SEC14L1: variants seen among roughly 807,000 people sequenced by gnomAD.
The protein encoded by SEC14L1 is SEC14 like lipid binding 1.
Under a neutral mutation model 85.3 loss-of-function variants are expected in SEC14L1, and 48 were observed. The ratio of observed to expected loss-of-function variants is 0.56; its 90% CI spans 0.45 to 0.72. The LOEUF is 0.72. Among genes scored for constraint, SEC14L1 ranks in the 30% least tolerant of loss-of-function variants. SEC14L1 has a pLI of 0.00. For synonymous variants in SEC14L1, 391 were observed against 355.5 expected, an observed-to-expected ratio of 1.10 and a Z score of -1.12; for missense variants, 682 against 921.4, an observed-to-expected ratio of 0.74 and a Z score of 3.36.
At chr17:77,090,321 CA>C (rs1406979451) in intron 2 of SEC14L1, among the ~76,000 whole-genome samples, 1 of 150,710 alleles carries the variant, frequency 6.6e-6, no homozygotes, top group African/African-American at 2.4e-5. Flanking sequence ...TAATTCAAGC[CA>C]AAGTGAGTGC....
chr17:77,201,918 C>G (rs1215265442), intron 9 of SEC14L1, among the ~76,000 whole-genome samples: 1 of 152,216 alleles, frequency 6.6e-6, no homozygotes, highest in Non-Finnish European at 1.5e-5. Flanking sequence ...ATGTTACCCT[C>G]TAACCCTCTG....
At chr17:77,165,971 C>A (rs928161586) in intron 3 of SEC14L1, among the ~76,000 whole-genome samples, 1 of 152,214 alleles carries the variant, frequency 6.6e-6, no homozygotes, top group African/African-American at 2.4e-5. Context: ...GAAGGTCCCC[C>A]TCCTCATCTT....
Position 77,215,033 on chromosome 17 carries a change from T to G in SEC14L1, c.*1010T>G, listed in dbSNP as rs942616934. ...GCGTGTGGCATGTAGGAGTCCTGCT[T>G]CTTTGTACATGGGAATTGTGGACTC... On this transcript the variant is annotated 3_prime_UTR_variant, in exon 17 of 17. Coordinates refer to ENST00000436233, the MANE Select transcript of SEC14L1 (RefSeq NM_001143998.2). 8 of 985,296 alleles carry G rather than the reference T, an allele frequency of 8.1e-6. No homozygotes were observed. The highest frequency in any genetic ancestry group is 1.8e-5 in the African/African-American group (1 of 57,132). The allele number at this position is 985,296 out of a possible 1,614,324, so 61.0% of individuals were successfully genotyped here.
intron 3 of SEC14L1, among the ~76,000 whole-genome samples, chr17:77,126,869 C>A (rs1220587579): frequency 2.6e-5 from 4 of 152,168 alleles, no homozygotes; most frequent in Non-Finnish European, 5.9e-5. Context: ...GGTGCAGGCA[C>A]CTTTTTCACT....
Position 77,206,232 on chromosome 17 carries a change from A to T in SEC14L1, c.1173A>T (p.Ser391=), listed in dbSNP as rs182613536. The T allele has an allele frequency of 6.2e-7, 1 of 1,613,888 alleles. No individual in the cohort carries two copies. Among genetic ancestry groups the T allele is most frequent in the Non-Finnish European group, 8.5e-7 (1 of 1,179,780 alleles). The change falls in exon 12 of 17, where the codon TCA becomes TCT. Residue 391 remains serine (S), a synonymous_variant. Coordinates refer to ENST00000436233, the MANE Select transcript of SEC14L1 (RefSeq NM_001143998.2). This position sits in a 1 kb window ranked among gnomAD's most constrained non-coding sequence, Gnocchi z 4.3. ...CACATCTCTGCACAACCTGCAGCTC[A>T]TGGACCTGCCTGGTGGACTTGGAAG... ...NTKVFGRPIS[S]WTCLVDLEGL...
At chr17:77,130,342 C>T (rs1235767327) in intron 3 of SEC14L1, among the ~76,000 whole-genome samples, 1 of 151,962 alleles carries the variant, frequency 6.6e-6, no homozygotes, top group Non-Finnish European at 1.5e-5. Context: ...TTTGAGACAG[C>T]GTTTCGCTCT....
chr17:77,163,391 T>TTTTTCTCAGCACCATTCCTCCCTCA (rs6146155), intron 3 of SEC14L1, among the ~76,000 whole-genome samples: 2 of 152,030 alleles, frequency 1.3e-5, no homozygotes, highest in African/African-American at 4.8e-5. Context: ...CTAAGACTGG[T>TTTTTCTCAGCACCATTCCTCCCTCA]TCAGTCAGAG....
At chr17:77,111,264 G>A (rs1013066071) in intron 3 of SEC14L1, among the ~76,000 whole-genome samples, 3 of 151,998 alleles carry the variant, frequency 2.0e-5, no homozygotes, top group East Asian at 1.9e-4. Context: ...GTGGGATTCC[G>A]GGCTATACGT....
At chr17:77,101,773 G>A (rs1013269177) in intron 3 of SEC14L1, among the ~76,000 whole-genome samples, 3 of 152,210 alleles carry the variant, frequency 2.0e-5, no homozygotes, top group African/African-American at 4.8e-5. Flanking sequence ...GGACTTAGGC[G>A]TGGACTTACT....
At chr17:77,143,730 C>G in intron 3 of SEC14L1, 71 bp downstream of exon 3, 2 of 1,140,866 alleles carry the variant, frequency 1.8e-6, no homozygotes, top group Non-Finnish European at 2.6e-6. Context: ...ATTTGATGAT[C>G]TATAGATTTA....
At chr17:77,101,275 C>A (rs75084314) in intron 3 of SEC14L1, among the ~76,000 whole-genome samples, 4,782 of 152,098 alleles carry the variant, frequency 0.031, 259 homozygotes, top group African/African-American at 0.11. Context: ...ACCCCAGTCT[C>A]CCAGGTTCAA....
intron 3 of SEC14L1, among the ~76,000 whole-genome samples, chr17:77,162,175 G>T (rs994457958): frequency 6.6e-6 from 1 of 152,126 alleles, no homozygotes; most frequent in Non-Finnish European, 1.5e-5. Context: ...GGGAGGGACC[G>T]GCTCTCTGAG....
chr17:77,126,911 C>T (rs1478217754), intron 3 of SEC14L1, among the ~76,000 whole-genome samples: 2 of 151,798 alleles, frequency 1.3e-5, no homozygotes, highest in South Asian at 2.1e-4. Flanking sequence ...ATACCACTGC[C>T]GGGAGAGTGA....
chr17:77,205,508 T>TA (rs1314092777), intron 11 of SEC14L1, among the ~76,000 whole-genome samples, 162 bp downstream of exon 11: 9 of 151,338 alleles, frequency 5.9e-5, no homozygotes, highest in African/African-American at 1.5e-4. Flanking sequence ...GACAGACAGT[T>TA]AGTGTTTTTT....
rs1976929952 is a variant in SEC14L1, at chr17:77,214,329, C to T, written c.*306C>T. 9.0e-7 allele frequency: 1 copy of T among 1,109,540 alleles called. No homozygotes were observed. The highest frequency in any genetic ancestry group is 3.1e-5 in the South Asian group (1 of 32,154). 68.7% of individuals were successfully genotyped at this position (1,109,540 alleles called of 1,614,324 possible). ...ACCAATTAAAGGATTGACGTGGTCT[C>T]AGATATTGATGCAAAAAATTTTTCC... On this transcript the variant is annotated 3_prime_UTR_variant, in exon 17 of 17. Coordinates refer to ENST00000436233, the MANE Select transcript of SEC14L1 (RefSeq NM_001143998.2).
rs554919559 is a variant in SEC14L1 at position 77,214,412 on chromosome 17, C to T, written c.*389C>T. 2.7e-4 allele frequency: 274 copies of T among 1,003,590 alleles called. 1 individual carries two copies. The Middle Eastern group carries it at 5.6e-3, about 20-fold the overall frequency. The allele number at this position is 1,003,590 out of a possible 1,614,324, so 62.2% of individuals were successfully genotyped here. On this transcript the variant is annotated 3_prime_UTR_variant, in exon 17 of 17. Coordinates refer to ENST00000436233, the MANE Select transcript of SEC14L1 (RefSeq NM_001143998.2). ...TTCCTGTGACATCCTCCAGAGATGGCCCCTCCTCACCTGGGACGGAAGCTG... is the reference window on the plus strand; with the variant it reads ...TTCCTGTGACATCCTCCAGAGATGGTCCCTCCTCACCTGGGACGGAAGCTG...
chr17:77,216,682 G>A lies in SEC14L1; in HGVS notation c.*2659G>A. On this transcript the variant is annotated 3_prime_UTR_variant, in exon 17 of 17. Coordinates refer to ENST00000436233, the MANE Select transcript of SEC14L1 (RefSeq NM_001143998.2). ...CAGGCTGAAGATCTGTTCTTTTTAA[G>A]TTGATTCGGGAGTGGCATTCTTTTA... The A allele has an allele frequency of 6.3e-7, 1 of 1,576,916 alleles. No homozygotes were observed. The highest frequency in any genetic ancestry group is 2.2e-5 in the East Asian group (1 of 44,484).
At chr17:77,167,799 C>T (rs978249042) in intron 3 of SEC14L1, among the ~76,000 whole-genome samples, 3 of 152,156 alleles carry the variant, frequency 2.0e-5, no homozygotes, top group African/African-American at 7.2e-5. Flanking sequence ...GGGTTACTCC[C>T]TCTACCCAAA....
In SEC14L1 at chr17:77,206,494, T is replaced by C; in HGVS notation, c.1341+94T>C. ...CGTGTCTGTGACCTAAAGTCTTAACTTCTTAGGAAAAAAAACAATAACATG... is the reference window on the plus strand; with the variant it reads ...CGTGTCTGTGACCTAAAGTCTTAACCTCTTAGGAAAAAAAACAATAACATG... On this transcript the variant is annotated intron_variant, in intron 12 of 16. Transcript: ENST00000436233. This position sits in a 1 kb window ranked among gnomAD's most constrained non-coding sequence, Gnocchi z 4.3. The C allele has an allele frequency of 7.0e-7, 1 of 1,423,638 alleles. No individual in the cohort carries two copies. The highest frequency in any genetic ancestry group is 2.4e-5 in the Admixed American group (1 of 42,118). The allele number at this position is 1,423,638 out of a possible 1,614,324, so 88.2% of individuals were successfully genotyped here. A position where few individuals can be genotyped will look rare whatever the true frequency, so the allele number is the denominator to read the frequency against.
Sources: gnomAD v4.1 joint callset for allele counts (sites outside exome capture counted in the v4.1 genomes callset) on GRCh38, gnomAD v4.1.1 for gene constraint, Gnocchi (gnomAD v3.1) non-coding constraint, MANE v1.5 for transcripts, NCBI Gene and HGNC (gene_info 2026-07-23, HGNC 2026-07-21) for gene names.